The following IRAG1 variants were observed in gnomAD, a reference collection of about 807,000 sequenced individuals.
IRAG1 encodes the protein IP3R-associated cGMP kinase substrate.
IRAG1 carries 62 observed loss-of-function variants against 106.2 expected under a neutral mutation model. That is an observed-to-expected ratio of 0.58 (90% CI 0.48 to 0.72). The LOEUF (loss-of-function observed/expected upper bound fraction) is 0.72, where lower values mean the gene tolerates loss of function less well. Among genes scored for constraint, IRAG1 ranks in the 30% least tolerant of loss-of-function variants. IRAG1 has a pLI of 0.00. For missense variants in IRAG1, 1,064 were observed against 1,140.7 expected, an observed-to-expected ratio of 0.93 and a Z score of 0.97; for synonymous variants, 462 against 443.9, an observed-to-expected ratio of 1.04 and a Z score of -0.51.
rs202082096 is a variant in IRAG1 at position 10,632,015 on chromosome 11, A to C, written c.376T>G (p.Ser126Ala). The C allele has an allele frequency of 3.7e-6, 6 of 1,613,838 alleles. No individual in the cohort carries two copies. The African/African-American group carries it at 8.0e-5, about 22-fold the overall frequency. ...KRLSHRHLKV[S>A]TASLTSVDPA... ...CCCACAGATGTCAGGGAGGCAGTGGACACCTTCAAGTGTCGGTGAGAAAGC... is the reference window on the plus strand; with the variant it reads ...CCCACAGATGTCAGGGAGGCAGTGGCCACCTTCAAGTGTCGGTGAGAAAGC... Residue 126 changes from serine to alanine, a missense_variant, in exon 4 of 21, where the codon TCC becomes GCC. By Grantham distance (99) the Ser-to-Ala change is moderately conservative. Transcript: ENST00000423302.
At position 10,676,182 on chromosome 11, in the gene IRAG1, C is replaced by T. The variant is rs1860644626; in HGVS notation, c.67+17354G>A. Among the ~76,000 whole-genome samples, 5 of 152,172 alleles carry T rather than the reference C, an allele frequency of 3.3e-5. No homozygotes were observed. In the South Asian group the frequency reaches 8.3e-4, roughly 25 times the overall value. Reference sequence around the variant, plus strand: ...TTGCCTCCCTAAGAGATTCCAGAAGCGCAGGACACAGAAAGTGATGGAGGA... The same window carrying T: ...TTGCCTCCCTAAGAGATTCCAGAAGTGCAGGACACAGAAAGTGATGGAGGA... On this transcript the variant is annotated intron_variant, in intron 1 of 20. Coordinates refer to ENST00000423302, the MANE Select transcript of IRAG1 (RefSeq NM_130385.4).
chr11:10,684,124 T>C (rs905151073), intron 1 of IRAG1, among the ~76,000 whole-genome samples: 1 of 152,192 alleles, frequency 6.6e-6, no homozygotes, highest in African/African-American at 2.4e-5. Flanking sequence ...GCTGGCAAAC[T>C]ATAAATCATG....
intron 1 of IRAG1, among the ~76,000 whole-genome samples, chr11:10,653,585 A>G (rs940380074): frequency 2.0e-5 from 3 of 152,162 alleles, no homozygotes; most frequent in Non-Finnish European, 4.4e-5. Flanking sequence ...TTGGAACCAG[A>G]TATCTCGGTG....
chr11:10,631,841 C>T, intron 4 of IRAG1, 150 bp downstream of exon 4: 2 of 598,210 alleles, frequency 3.3e-6, no homozygotes, highest in Admixed American at 2.8e-5. Flanking sequence ...TTCTCCTAGA[C>T]CCAGACACGG....
Position 10,629,554 on chromosome 11 carries a change from G to A in IRAG1, c.558C>T (p.Pro186=), listed in dbSNP as rs757694339. 1.9e-5 allele frequency: 30 copies of A among 1,613,564 alleles called. No individual in the cohort carries two copies. The Middle Eastern group carries it at 5.0e-4, about 27-fold the overall frequency. ...CCACCCTACCTGATGGGGAGTCTCC[G>A]GGGCTGCTCCTGGACTTCCTCCCAC... ...TRRGRKSRSS[P]GDSPSAVSPN... is the part of the protein sequence containing the mutation. Residue 186 remains proline, a synonymous_variant, in exon 5 of 21, where the codon CCC becomes CCT. Coordinates refer to ENST00000423302, the MANE Select transcript of IRAG1 (RefSeq NM_130385.4).
At chr11:10,679,910 T>C (rs1861008234) in intron 1 of IRAG1, among the ~76,000 whole-genome samples, 1 of 152,162 alleles carries the variant, frequency 6.6e-6, no homozygotes, top group Admixed American at 6.5e-5. Flanking sequence ...GGTGAAAGGA[T>C]ATAATGTTTC....
chr11:10,663,269 C>T (rs1859534606), intron 1 of IRAG1, among the ~76,000 whole-genome samples: 1 of 152,162 alleles, frequency 6.6e-6, no homozygotes, highest in African/African-American at 2.4e-5. Context: ...ACCCAGTTCC[C>T]AGTGTGCCTC....
intron 15 of IRAG1, among the ~76,000 whole-genome samples, chr11:10,596,347 C>T (rs941447999): frequency 6.6e-6 from 1 of 152,166 alleles, no homozygotes; most frequent in Non-Finnish European, 1.5e-5. Flanking sequence ...TCTCTTAGTT[C>T]TTTTAAGAAA....
chr11:10,632,182 C>A (rs3741032), intron 3 of IRAG1, 121 bp from the exon 4 acceptor site: 1 of 679,178 alleles, frequency 1.5e-6, no homozygotes, highest in Non-Finnish European at 2.4e-6. Flanking sequence ...TTCTTTCCTT[C>A]TTTCTTTCTT....
At chr11:10,691,360 T>A (rs1054043047) in intron 1 of IRAG1, among the ~76,000 whole-genome samples, 2 of 152,148 alleles carry the variant, frequency 1.3e-5, no homozygotes, top group Admixed American at 1.3e-4. Flanking sequence ...CCAGGAGGTG[T>A]GGGGTGCTTC....
At chr11:10,618,060 C>T (rs1014077524) in intron 10 of IRAG1, among the ~76,000 whole-genome samples, 2 of 152,212 alleles carry the variant, frequency 1.3e-5, no homozygotes, top group African/African-American at 2.4e-5. Flanking sequence ...CCTTCAATTT[C>T]CTTGGTCTCA....
chr11:10,644,011 C>A (rs930164128), intron 2 of IRAG1, among the ~76,000 whole-genome samples: 2 of 151,806 alleles, frequency 1.3e-5, no homozygotes, highest in Admixed American at 1.3e-4. Context: ...TAAATTCTCA[C>A]AGCTCTTACC....
intron 2 of IRAG1, among the ~76,000 whole-genome samples, chr11:10,650,325 G>A (rs1858366848): frequency 6.6e-6 from 1 of 152,168 alleles, no homozygotes; most frequent in African/African-American, 2.4e-5. Context: ...TTGTAAGCAG[G>A]AAGAATTTAA....
chr11:10,591,386 C>T (rs1852653598), intron 18 of IRAG1, among the ~76,000 whole-genome samples, 162 bp downstream of exon 18: 1 of 152,200 alleles, frequency 6.6e-6, no homozygotes, highest in South Asian at 2.1e-4. Flanking sequence ...ATTTTGCAAA[C>T]AGGTTCTGAA....
At chr11:10,643,128 C>CGT (rs1857652575) in intron 2 of IRAG1, among the ~76,000 whole-genome samples, 1 of 133,270 alleles carries the variant, frequency 7.5e-6, no homozygotes, top group South Asian at 2.4e-4. Flanking sequence ...TGAGCCTGAT[C>CGT]GTGCCACTGC....
chr11:10,594,965 C>T (rs796801375), intron 15 of IRAG1, among the ~76,000 whole-genome samples: 5 of 152,218 alleles, frequency 3.3e-5, no homozygotes, highest in South Asian at 2.1e-4. Flanking sequence ...CACTCTGTCA[C>T]GTAGGCTGGA....
At chr11:10,676,208 G>T (rs1860647575) in intron 1 of IRAG1, among the ~76,000 whole-genome samples, 1 of 152,246 alleles carries the variant, frequency 6.6e-6, no homozygotes, top group African/African-American at 2.4e-5. Context: ...TGATGGAGGA[G>T]TGAGGAGGGA....
At chr11:10,684,852 C>A (rs1238291151) in intron 1 of IRAG1, among the ~76,000 whole-genome samples, 2 of 152,114 alleles carry the variant, frequency 1.3e-5, no homozygotes, top group African/African-American at 4.8e-5. Flanking sequence ...GTGGGATCTG[C>A]AATTTCTTGT....
rs10525799 is a variant in IRAG1, at chr11:10,622,876, G to GACAC, written c.1447+898_1447+901dup. Among the ~76,000 whole-genome samples, 123 of 141,484 alleles carry GACAC rather than the reference G, an allele frequency of 8.7e-4. 2 individuals carry two copies. Among genetic ancestry groups the GACAC allele is most frequent in the South Asian group, 3.0e-3 (13 of 4,358 alleles). The allele number at this position is 141,484 out of a possible 152,430, so 92.8% of individuals were successfully genotyped here. The stretch of plus-strand genomic sequence containing the variant: ...GTGCCAGGCATTGTTGTAAGCAGTG[G>GACAC]ACACACACACACACACACACACACA... On this transcript the variant is annotated intron_variant, in intron 10 of 20. Transcript: ENST00000423302.
Sources: allele counts gnomAD v4.1 joint callset (sites outside exome capture counted in the v4.1 genomes callset), GRCh38; gene constraint gnomAD v4.1.1; transcripts MANE v1.5; gene names NCBI Gene and HGNC (gene_info 2026-07-23, HGNC 2026-07-21).